Variants in PCSK6 observed in about 807,000 individuals in gnomAD.
The protein encoded by PCSK6 is paired basic amino acid cleaving enzyme 4.
Under a neutral mutation model 123.3 loss-of-function variants are expected in PCSK6, and 85 were observed. The ratio of observed to expected loss-of-function variants is 0.69; its 90% CI spans 0.58 to 0.83. The LOEUF (loss-of-function observed/expected upper bound fraction) is 0.83, where lower values mean the gene tolerates loss of function less well. Ranked by LOEUF, PCSK6 falls within the 40% of genes least tolerant of loss-of-function variation. The probability of loss-of-function intolerance (pLI) is 0.00; values close to 1 mark genes in which losing one functional copy is unlikely to be tolerated. For synonymous variants in PCSK6, 508 were observed against 516.0 expected (o/e 0.98, Z 0.21); for missense variants, 1,191 against 1,282.3 (o/e 0.93, Z 1.09).
intron 1 of PCSK6, among the ~76,000 whole-genome samples, chr15:101,474,469 C>T (rs1223157361): frequency 2.0e-5 from 3 of 152,190 alleles, no homozygotes; most frequent in East Asian, 1.9e-4. Context: ...CTTAGCACCT[C>T]GTCCGGGGCC....
chr15:101,392,200 T>C lies in PCSK6; in HGVS notation c.1209+1012A>G, dbSNP rs2042252160. Among the ~76,000 whole-genome samples, 7 of 152,250 alleles carry C rather than the reference T, an allele frequency of 4.6e-5. No homozygotes were observed. The South Asian group carries it at 1.2e-3, about 27-fold the overall frequency. The stretch of plus-strand genomic sequence containing the variant: ...TCCGTGCTCAAATGAGCTGGATTTC[T>C]ACATAAACAGGACACCATTCAGCAT... On this transcript the variant is annotated intron_variant, in intron 8 of 21. Coordinates refer to ENST00000611716, the MANE Select transcript of PCSK6 (RefSeq NM_002570.5).
At chr15:101,348,748 CAG>C (rs922627517) in intron 13 of PCSK6, among the ~76,000 whole-genome samples, 5 of 152,168 alleles carry the variant, frequency 3.3e-5, no homozygotes, top group African/African-American at 1.2e-4. Context: ...CGTGCAGAAA[CAG>C]AGACTGAGAG....
chr15:101,468,651 T>C (rs919876424), intron 1 of PCSK6, among the ~76,000 whole-genome samples: 10 of 152,160 alleles, frequency 6.6e-5, no homozygotes, highest in African/African-American at 2.4e-4. Context: ...AGGCAAAATG[T>C]CCATGAAGGA....
In PCSK6 at chr15:101,330,269, A is replaced by T. The variant is rs145090337; in HGVS notation, c.2077+1382T>A. Among the ~76,000 whole-genome samples, 15 of 152,138 alleles carry T rather than the reference A, an allele frequency of 9.9e-5. No homozygotes were observed. The East Asian group carries it at 2.7e-3, about 27-fold the overall frequency. On this transcript the variant is annotated intron_variant, in intron 15 of 21. Transcript: ENST00000611716. The stretch of plus-strand genomic sequence containing the variant: ...CTGCTGCTGTCCTGGGACCCTGGCC[A>T]TTTGCAAGTACTCCCTAGGCTTCCC...
At chr15:101,395,878 G>C (rs1174676757) in intron 7 of PCSK6, among the ~76,000 whole-genome samples, 2 of 152,188 alleles carry the variant, frequency 1.3e-5, no homozygotes, top group African/African-American at 4.8e-5. Flanking sequence ...CTAGGTGTGA[G>C]AGGAGCCAGG....
chr15:101,310,829 C>T (rs1323745188), intron 20 of PCSK6, among the ~76,000 whole-genome samples: 1 of 152,192 alleles, frequency 6.6e-6, no homozygotes, highest in African/African-American at 2.4e-5. Context: ...TGAATCGGTA[C>T]CCAGCTGGCA....
intron 6 of PCSK6, among the ~76,000 whole-genome samples, chr15:101,425,782 T>A (rs937202560): frequency 1.3e-5 from 2 of 152,002 alleles, no homozygotes; most frequent in Non-Finnish European, 2.9e-5. Context: ...AGGGAAAGAG[T>A]TTGGCGATGA....
chr15:101,401,176 GC>G (rs1413650613), intron 6 of PCSK6, among the ~76,000 whole-genome samples: 1 of 152,238 alleles, frequency 6.6e-6, no homozygotes, highest in African/African-American at 2.4e-5. Context: ...CAAGGTTGAG[GC>G]ATAGGAGACA....
At chr15:101,459,044 G>A (rs567710253) in intron 1 of PCSK6, among the ~76,000 whole-genome samples, 34 of 152,268 alleles carry the variant, frequency 2.2e-4, no homozygotes, top group Admixed American at 3.3e-4. Context: ...CTCAGCCAAG[G>A]GAGAAAGGCT....
Position 101,397,306 on chromosome 15 carries a change from G to A in PCSK6, c.996+1098C>T, listed in dbSNP as rs188738808. 2.6e-5 allele frequency among the ~76,000 whole-genome samples: 4 copies of A among 152,238 alleles called. No homozygotes were observed. In the East Asian group the frequency reaches 7.7e-4, roughly 29 times the overall value. On this transcript the variant is annotated intron_variant, in intron 7 of 21. Transcript: ENST00000611716. ...AAACAGATTCCTCCTCCGTGGGGCA[G>A]GACTCGGGGGTGGGCAGACAGAGAC...
intron 2 of PCSK6, among the ~76,000 whole-genome samples, chr15:101,438,427 A>G (rs923725378): frequency 6.6e-5 from 10 of 152,336 alleles, no homozygotes; most frequent in Admixed American, 3.3e-4. Flanking sequence ...GGAACTTGAG[A>G]TATGCTTCAG....
intron 1 of PCSK6, among the ~76,000 whole-genome samples, chr15:101,486,704 G>A (rs1384898383): frequency 6.6e-6 from 1 of 152,184 alleles, no homozygotes; most frequent in African/African-American, 2.4e-5. Context: ...AATTACCTCT[G>A]GGCCATGTGA....
At chr15:101,396,016 G>A (rs2141564916) in intron 7 of PCSK6, among the ~76,000 whole-genome samples, 1 of 152,156 alleles carries the variant, frequency 6.6e-6, no homozygotes, top group Non-Finnish European at 1.5e-5. Context: ...CGACAAATAG[G>A]GCCACAAGGA....
intron 20 of PCSK6, among the ~76,000 whole-genome samples, chr15:101,311,017 T>G (rs2039846949): frequency 6.6e-6 from 1 of 152,284 alleles, no homozygotes; most frequent in Middle Eastern, 3.4e-3. Flanking sequence ...GTTTGGATCA[T>G]GGGGTGGATC....
At chr15:101,322,476 A>G in intron 18 of PCSK6, 44 bp downstream of exon 18, 2 of 1,350,258 alleles carry the variant, frequency 1.5e-6, no homozygotes, top group South Asian at 1.2e-5. Flanking sequence ...CACTCCAAGC[A>G]GCGCCACCGC....
chr15:101,425,641 T>C lies in PCSK6; in HGVS notation c.823+2251A>G, dbSNP rs557870877. 1.7e-3 allele frequency among the ~76,000 whole-genome samples: 252 copies of C among 152,296 alleles called. 1 individual carries two copies. Among genetic ancestry groups the C allele is most frequent in the South Asian group, 7.2e-3 (35 of 4,830 alleles). On this transcript the variant is annotated intron_variant, in intron 6 of 21. Transcript: ENST00000611716. ...CTGCTGTTGTTTATATACATATATA[T>C]ATATATTGCTTCATACGTTATAAAC...
intron 13 of PCSK6, among the ~76,000 whole-genome samples, chr15:101,354,240 C>T (rs548060309): frequency 6.6e-6 from 1 of 152,226 alleles, no homozygotes; most frequent in East Asian, 1.9e-4. Flanking sequence ...TACCTAATGC[C>T]CACATATACA....
At chr15:101,415,548 G>A (rs969265253) in intron 6 of PCSK6, among the ~76,000 whole-genome samples, 9 of 152,188 alleles carry the variant, frequency 5.9e-5, no homozygotes, top group African/African-American at 2.2e-4. Context: ...CAGCTTATGG[G>A]CTACCAGTTG....
intron 1 of PCSK6, among the ~76,000 whole-genome samples, chr15:101,488,820 G>A (rs1291973088): frequency 2.0e-5 from 3 of 151,440 alleles, no homozygotes; most frequent in Non-Finnish European, 3.0e-5. Context: ...GGGAGCCGCG[G>A]ACACCGAGGG....
Sources: gnomAD v4.1 joint callset for allele counts (sites outside exome capture counted in the v4.1 genomes callset) on GRCh38, gnomAD v4.1.1 for gene constraint, MANE v1.5 for transcripts, NCBI Gene and HGNC (gene_info 2026-07-23, HGNC 2026-07-21) for gene names.